Variants in SPAG16 observed in about 807,000 individuals in gnomAD.
The protein encoded by SPAG16 is sperm associated antigen 16, also known as sperm-associated antigen 16 protein.
SPAG16 carries 86 observed loss-of-function variants against 80.4 expected under a neutral mutation model. The observed-to-expected ratio is 1.07, with a 90% CI of 0.90 to 1.28. The LOEUF (loss-of-function observed/expected upper bound fraction) is 1.28. SPAG16 is among the 50% of genes most tolerant of loss of function. The pLI is 0.00. For synonymous variants in SPAG16, 294 were observed against 265.9 expected (o/e 1.11, Z -1.03); for missense variants, 870 against 765.3 (o/e 1.14, Z -1.61).
chr2:214,003,114 G>A (rs1442130266), intron 12 of SPAG16, among the ~76,000 whole-genome samples: 1 of 152,116 alleles, frequency 6.6e-6, no homozygotes, highest in African/African-American at 2.4e-5. Flanking sequence ...GTGAAGTTGG[G>A]AAGCAATGTA....
intron 12 of SPAG16, among the ~76,000 whole-genome samples, chr2:213,956,315 G>A (rs1213325443): frequency 2.6e-5 from 4 of 151,544 alleles, no homozygotes; most frequent in Non-Finnish European, 5.9e-5. Context: ...GCTCTCATCT[G>A]TATTATTTCT....
chr2:213,554,385 A>G (rs2059357949), intron 10 of SPAG16, among the ~76,000 whole-genome samples: 5 of 152,208 alleles, frequency 3.3e-5, no homozygotes, highest in African/African-American at 9.7e-5. Flanking sequence ...GTCTTTCCAC[A>G]TGGAAACTAA....
chr2:213,683,223 T>C (rs1299533102), intron 10 of SPAG16, among the ~76,000 whole-genome samples: 1 of 152,168 alleles, frequency 6.6e-6, no homozygotes, highest in Non-Finnish European at 1.5e-5. Context: ...CCAGTTTGCC[T>C]TAAATTAGTA....
chr2:213,481,836 C>T (rs766590695), intron 9 of SPAG16, among the ~76,000 whole-genome samples: 3 of 152,314 alleles, frequency 2.0e-5, no homozygotes, highest in Middle Eastern at 6.8e-3. Flanking sequence ...AAGGTCTGTG[C>T]AAGAGAAGGG....
chr2:213,493,172 A>AT (rs1234630379), intron 10 of SPAG16, among the ~76,000 whole-genome samples: 2 of 152,244 alleles, frequency 1.3e-5, no homozygotes, highest in Non-Finnish European at 2.9e-5. Context: ...ATGACCTATG[A>AT]TTTGGGCAAA....
chr2:214,207,971 C>T (rs929503896), intron 15 of SPAG16, among the ~76,000 whole-genome samples: 1 of 152,196 alleles, frequency 6.6e-6, no homozygotes, highest in Admixed American at 6.5e-5. Context: ...CGGAAGTCTG[C>T]ACTGTCAGCT....
intron 15 of SPAG16, among the ~76,000 whole-genome samples, chr2:214,222,002 G>C (rs2125777735): frequency 6.6e-6 from 1 of 151,148 alleles, no homozygotes; most frequent in Non-Finnish European, 1.5e-5. Flanking sequence ...ATGTGTTTTT[G>C]CCTAGTGACA....
At chr2:213,614,447 A>C (rs1323290445) in intron 10 of SPAG16, among the ~76,000 whole-genome samples, 1 of 152,320 alleles carries the variant, frequency 6.6e-6, no homozygotes, top group African/African-American at 2.4e-5. Context: ...GATGCAATTT[A>C]CTTTAAATTC....
intron 10 of SPAG16, among the ~76,000 whole-genome samples, chr2:213,626,263 A>G (rs1010527620): frequency 1.3e-5 from 2 of 152,168 alleles, no homozygotes; most frequent in Admixed American, 1.3e-4. Context: ...AATGGAAGGA[A>G]TGTCTGAAAG....
At chr2:214,254,033 G>A (rs559903423) in intron 15 of SPAG16, among the ~76,000 whole-genome samples, 12 of 152,048 alleles carry the variant, frequency 7.9e-5, no homozygotes, top group Non-Finnish European at 1.2e-4. Context: ...CTTGTAAGAC[G>A]TATTCCTAGG....
At chr2:213,703,039 A>C (rs972449503) in intron 10 of SPAG16, among the ~76,000 whole-genome samples, 1 of 152,200 alleles carries the variant, frequency 6.6e-6, no homozygotes, top group Non-Finnish European at 1.5e-5. Context: ...TGTCCATAGA[A>C]GTGGAGGGTG....
chr2:214,076,567 T>C (rs965542385), intron 13 of SPAG16, among the ~76,000 whole-genome samples: 2 of 131,958 alleles, frequency 1.5e-5, no homozygotes, highest in Admixed American at 1.5e-4. Context: ...GTGTGTGTGT[T>C]TGTGTTGAGA....
At chr2:213,591,443 T>G (rs1459071040) in intron 10 of SPAG16, among the ~76,000 whole-genome samples, 1 of 152,138 alleles carries the variant, frequency 6.6e-6, no homozygotes, top group Non-Finnish European at 1.5e-5. Flanking sequence ...AGTAAAGACA[T>G]GTGGATCAAA....
intron 10 of SPAG16, among the ~76,000 whole-genome samples, chr2:213,740,822 C>T (rs1424682980): frequency 1.3e-5 from 2 of 152,166 alleles, no homozygotes; most frequent in Non-Finnish European, 2.9e-5. Flanking sequence ...CAAAGAAAGA[C>T]CAATTACTTG....
intron 13 of SPAG16, among the ~76,000 whole-genome samples, chr2:214,100,070 C>T (rs907082048): frequency 1.3e-5 from 2 of 151,878 alleles, no homozygotes; most frequent in African/African-American, 2.4e-5. Flanking sequence ...GGGCAGTGTC[C>T]CCCATGCTGT....
chr2:213,821,693 C>A (rs537726163), intron 10 of SPAG16, among the ~76,000 whole-genome samples: 61 of 152,242 alleles, frequency 4.0e-4, no homozygotes, highest in African/African-American at 1.4e-3. Flanking sequence ...TTAACCTCTT[C>A]CCCCACAACC....
chr2:214,249,753 G>T (rs1278881187), intron 15 of SPAG16, among the ~76,000 whole-genome samples: 2 of 151,906 alleles, frequency 1.3e-5, no homozygotes, highest in Non-Finnish European at 2.9e-5. Flanking sequence ...TTAGTTCAAA[G>T]ATTTAAATTT....
intron 15 of SPAG16, among the ~76,000 whole-genome samples, chr2:214,211,096 C>A (rs1193484857): frequency 6.6e-6 from 1 of 151,956 alleles, no homozygotes; most frequent in African/African-American, 2.4e-5. Flanking sequence ...TACTCTTGAG[C>A]ACGTAACATT....
chr2:213,756,783 G>A (rs969978826), intron 10 of SPAG16, among the ~76,000 whole-genome samples: 3 of 151,604 alleles, frequency 2.0e-5, no homozygotes, highest in South Asian at 2.1e-4. Flanking sequence ...TTTTTTATAT[G>A]AAGAAAGTAA....
Sources: gnomAD v4.1 joint callset for allele counts (sites outside exome capture counted in the v4.1 genomes callset) on GRCh38, gnomAD v4.1.1 for gene constraint, MANE v1.5 for transcripts, NCBI Gene and HGNC (gene_info 2026-07-23, HGNC 2026-07-21) for gene names.